ANKRD17: variants seen among roughly 807,000 people sequenced by gnomAD.
ANKRD17 encodes ankyrin repeat domain 17.
A neutral mutation model predicts 229.7 loss-of-function variants in ANKRD17; 19 were observed. The ratio of observed to expected loss-of-function variants is 0.08; its 90% confidence interval spans 0.06 to 0.12. The LOEUF (loss-of-function observed/expected upper bound fraction) is 0.12. Ranked by LOEUF, ANKRD17 falls within the 10% of genes least tolerant of loss-of-function variation. The pLI, the probability that ANKRD17 is intolerant of heterozygous loss-of-function variation, is 1.00. For missense variants in ANKRD17, 2,176 were observed against 3,176.8 expected, an observed-to-expected ratio of 0.68 and a Z score of 7.57; for synonymous variants, 1,112 against 1,146.1, an observed-to-expected ratio of 0.97 and a Z score of 0.60.
At position 73,073,624 on chromosome 4, in the gene ANKRD17, T is replaced by C. The variant is rs1720846169; in HGVS notation, c.*2607A>G. 6.6e-6 allele frequency: 1 copy of C among 152,022 alleles called. No homozygotes were observed. Among genetic ancestry groups the C allele is most frequent in the East Asian group, 1.9e-4 (1 of 5,204 alleles). The allele number at this position is 152,022 out of a possible 1,614,324, so 9.4% of individuals were successfully genotyped here. A position where few individuals can be genotyped will look rare whatever the true frequency, so the allele number is the denominator to read the frequency against. On this transcript the variant is annotated 3_prime_UTR_variant, in exon 34 of 34. Coordinates refer to ENST00000358602, the MANE Select transcript of ANKRD17 (RefSeq NM_032217.5). Reference sequence around the variant, plus strand: ...GGAGAAAAATGACTATACGTAGTCATTTACAAAAAAATTAATTTTCATGTA... The same window carrying C: ...GGAGAAAAATGACTATACGTAGTCACTTACAAAAAAATTAATTTTCATGTA...
chr4:73,185,308 T>C (rs936992613), intron 1 of ANKRD17, among the ~76,000 whole-genome samples: 5 of 151,822 alleles, frequency 3.3e-5, no homozygotes, highest in Non-Finnish European at 7.4e-5. Context: ...ATATTTATTA[T>C]TGTTTTTGTT....
intron 1 of ANKRD17, among the ~76,000 whole-genome samples, chr4:73,243,163 A>G (rs1209725244): frequency 6.6e-6 from 1 of 152,134 alleles, no homozygotes; most frequent in Non-Finnish European, 1.5e-5. Context: ...CAGTCAAGGA[A>G]CTAGAAGGGC....
intron 24 of ANKRD17, among the ~76,000 whole-genome samples, chr4:73,110,932 C>G (rs1490052969): frequency 6.6e-6 from 1 of 152,122 alleles, no homozygotes; most frequent in Non-Finnish European, 1.5e-5. Context: ...CTCTTGACTT[C>G]TCTTAAAACT....
chr4:73,177,544 A>G lies in ANKRD17; in HGVS notation c.394-11T>C. 1 of 1,601,604 alleles carries G rather than the reference A, an allele frequency of 6.2e-7. No homozygotes were observed. The highest frequency in any genetic ancestry group is 8.5e-7 in the Non-Finnish European group (1 of 1,171,166). On this transcript the variant is annotated splice_polypyrimidine_tract_variant and intron_variant, in intron 1 of 33. Coordinates refer to ENST00000358602, the MANE Select transcript of ANKRD17 (RefSeq NM_032217.5). The stretch of plus-strand genomic sequence containing the variant: ...AATGAAAGACTCCACCTATAAAACA[A>G]ATGCAAAAAGAGGGAGGAAGGGAGA...
chr4:73,139,291 T>G (rs961375621), intron 15 of ANKRD17, among the ~76,000 whole-genome samples: 7 of 152,140 alleles, frequency 4.6e-5, no homozygotes, highest in African/African-American at 1.7e-4. Flanking sequence ...CTGAAAAACC[T>G]AGATTCTCAA....
intron 13 of ANKRD17, 75 bp downstream of exon 13, chr4:73,142,167 T>G (rs1729698468): frequency 7.0e-7 from 1 of 1,425,418 alleles, no homozygotes; most frequent in Non-Finnish European, 9.3e-7. Flanking sequence ...AACCCTAATT[T>G]AAACAGAAAC....
At chr4:73,079,380 A>AT (rs1011142113) in intron 30 of ANKRD17, among the ~76,000 whole-genome samples, 2 of 152,080 alleles carry the variant, frequency 1.3e-5, no homozygotes, top group African/African-American at 4.8e-5. Context: ...TTATTTATTC[A>AT]TTTTTTATTT....
intron 1 of ANKRD17, among the ~76,000 whole-genome samples, chr4:73,212,133 G>GA (rs1179382317): frequency 2.2e-4 from 33 of 152,012 alleles, no homozygotes; most frequent in Admixed American, 5.9e-4. Flanking sequence ...GGTGTGGGTT[G>GA]GGCAGAGGGA....
At chr4:73,218,408 C>A (rs1741384207) in intron 1 of ANKRD17, among the ~76,000 whole-genome samples, 1 of 152,000 alleles carries the variant, frequency 6.6e-6, no homozygotes, top group Non-Finnish European at 1.5e-5. Flanking sequence ...TTTGGGAGGC[C>A]GAGGCAGGCA....
chr4:73,153,173 AG>A (rs1466699313), intron 6 of ANKRD17, among the ~76,000 whole-genome samples: 3 of 152,130 alleles, frequency 2.0e-5, no homozygotes, highest in Admixed American at 6.5e-5. Flanking sequence ...ATTTTTTACT[AG>A]GTTTTGCAAA....
intron 1 of ANKRD17, among the ~76,000 whole-genome samples, chr4:73,243,029 C>A (rs1398204121): frequency 6.6e-6 from 1 of 151,990 alleles, no homozygotes; most frequent in Admixed American, 6.6e-5. Flanking sequence ...GATATCTAAG[C>A]TGAAAACTAA....
chr4:73,076,393 T>C (rs1244306400), intron 33 of ANKRD17, 103 bp from the exon 34 acceptor site: 3 of 767,248 alleles, frequency 3.9e-6, no homozygotes, highest in Non-Finnish European at 5.7e-6. Context: ...ATTTGCAATA[T>C]ACTAGGAACT....
intron 14 of ANKRD17, 99 bp from the exon 15 acceptor site, chr4:73,140,382 A>G (rs1482307669): frequency 2.3e-5 from 28 of 1,240,608 alleles, no homozygotes; most frequent in Non-Finnish European, 3.0e-5. Flanking sequence ...TGCACTAAGT[A>G]ATCATATCCA....
chr4:73,111,449 G>C (rs968887119), intron 24 of ANKRD17, among the ~76,000 whole-genome samples: 2 of 152,078 alleles, frequency 1.3e-5, no homozygotes, highest in African/African-American at 4.8e-5. Context: ...ACACTACTCA[G>C]AACGGCATGC....
At chr4:73,076,341 TA>T in intron 33 of ANKRD17, 51 bp from the exon 34 acceptor site, 1 of 1,396,352 alleles carries the variant, frequency 7.2e-7, no homozygotes, top group Non-Finnish European at 9.5e-7. Flanking sequence ...GCATATATTT[TA>T]TTAAAATAAA....
intron 1 of ANKRD17, among the ~76,000 whole-genome samples, chr4:73,197,214 T>C (rs1424257187): frequency 6.6e-6 from 1 of 152,150 alleles, no homozygotes; most frequent in Non-Finnish European, 1.5e-5. Flanking sequence ...CAAACACCAC[T>C]GAAGTCTTAT....
chr4:73,181,131 C>T (rs1048396696), intron 1 of ANKRD17, among the ~76,000 whole-genome samples: 1 of 152,132 alleles, frequency 6.6e-6, no homozygotes. Flanking sequence ...ACAATAAATA[C>T]ATCTAAAGGT....
intron 25 of ANKRD17, chr4:73,098,835 G>C: frequency 6.5e-7 from 1 of 1,528,206 alleles, no homozygotes; most frequent in Non-Finnish European, 9.0e-7. Context: ...AGTGAGTCGA[G>C]CTTGAAGTCC....
At chr4:73,145,020 T>C (rs1048617073) in intron 10 of ANKRD17, among the ~76,000 whole-genome samples, 188 bp from the exon 11 acceptor site, 10 of 152,196 alleles carry the variant, frequency 6.6e-5, no homozygotes, top group Non-Finnish European at 1.3e-4. Flanking sequence ...ACATGTTCTA[T>C]GGAAATAATT....
Sources: gnomAD v4.1 joint callset for allele counts (sites outside exome capture counted in the v4.1 genomes callset) on GRCh38, gnomAD v4.1.1 for gene constraint, MANE v1.5 for transcripts, NCBI Gene and HGNC (gene_info 2026-07-23, HGNC 2026-07-21) for gene names.